Variants in PAQR8 observed in about 807,000 individuals in gnomAD.
The protein encoded by PAQR8 is progestin and adipoQ receptor family member 8.
A neutral mutation model predicts 25.2 loss-of-function variants in PAQR8; 17 were observed. The observed-to-expected ratio is 0.67, with a 90% CI of 0.46 to 1.01. PAQR8 has a LOEUF of 1.01. Among genes scored for constraint, PAQR8 ranks in the 50% least tolerant of loss-of-function variants. The pLI, the probability that PAQR8 is intolerant of heterozygous loss-of-function variation, is 0.00. For synonymous variants in PAQR8, 204 were observed against 190.6 expected (o/e 1.07, Z -0.58); for missense variants, 392 against 448.4 (o/e 0.87, Z 1.14).
intron 1 of PAQR8, among the ~76,000 whole-genome samples, chr6:52,387,362 G>T (rs940790778): frequency 2.0e-5 from 3 of 152,314 alleles, no homozygotes; most frequent in South Asian, 2.1e-4. Context: ...CAGTTGGCTG[G>T]ACTCTTGGGA....
intron 1 of PAQR8, among the ~76,000 whole-genome samples, chr6:52,395,150 T>G (rs1273524417): frequency 6.6e-6 from 1 of 151,802 alleles, no homozygotes; most frequent in Non-Finnish European, 1.5e-5. Context: ...CACCTGCAGT[T>G]TAGTCCCAGC....
At chr6:52,388,583 CTCT>C (rs887281924) in intron 1 of PAQR8, among the ~76,000 whole-genome samples, 2 of 152,146 alleles carry the variant, frequency 1.3e-5, no homozygotes, top group Non-Finnish European at 2.9e-5. Context: ...GCTCCCTTGC[CTCT>C]TCTGCCATGT....
At chr6:52,393,969 G>A (rs1018363139) in intron 1 of PAQR8, among the ~76,000 whole-genome samples, 9 of 152,196 alleles carry the variant, frequency 5.9e-5, no homozygotes, top group African/African-American at 1.9e-4. Context: ...ACAAAGTCCT[G>A]AGAGGATGGC....
Position 52,369,228 on chromosome 6 carries a change from C to T in PAQR8, c.-53+6979C>T, listed in dbSNP as rs529085841. On this transcript the variant is annotated intron_variant, in intron 1 of 1. Transcript: ENST00000442253. ...TAGGGAAGACCCAAGGCTGGTTCAC[C>T]TCTCTTTCCAGGGTGACCTGGTTCC... is the stretch of plus-strand genomic sequence containing the variant. Among the ~76,000 whole-genome samples the T allele has an allele frequency of 2.6e-5, 4 of 152,272 alleles. No individual in the cohort carries two copies. The South Asian group carries it at 8.3e-4, about 32-fold the overall frequency.
At chr6:52,371,744 G>A (rs1007562146) in intron 1 of PAQR8, among the ~76,000 whole-genome samples, 21 of 152,180 alleles carry the variant, frequency 1.4e-4, no homozygotes, top group African/African-American at 5.1e-4. Context: ...CTGTGTGCCA[G>A]GCATTGTGCA....
At chr6:52,400,084 T>G (rs1383965454) in intron 1 of PAQR8, among the ~76,000 whole-genome samples, 2 of 152,250 alleles carry the variant, frequency 1.3e-5, no homozygotes, top group Non-Finnish European at 2.9e-5. Context: ...TCCCTCTTTC[T>G]GTGTTTCTCT....
chr6:52,388,289 T>C (rs183986685), intron 1 of PAQR8, among the ~76,000 whole-genome samples: 1 of 151,162 alleles, frequency 6.6e-6, no homozygotes, highest in East Asian at 2.0e-4. Context: ...GGCACAAGAA[T>C]GGCTTGAGCC....
chr6:52,403,765 CTTCTGTGGCTGGT>C lies in PAQR8; in HGVS notation c.554_566del (p.Phe185TyrfsTer20). Reference sequence around the variant, plus strand: ...GGCTTTTCTTCTTGCCAGCAGCTGCCTTCTGTGGCTGGTTATCTTGTGCTGGCTGTTGCTATGC... The same window carrying C: ...GGCTTTTCTTCTTGCCAGCAGCTGCCTATCTTGTGCTGGCTGTTGCTATGC... On this transcript the variant is annotated frameshift_variant, in exon 2 of 2. Coordinates refer to ENST00000442253, the MANE Select transcript of PAQR8 (RefSeq NM_133367.5). LOFTEE classifies it high-confidence loss of function. 6.2e-7 allele frequency: 1 copy of C among 1,614,254 alleles called. No individual in the cohort carries two copies. Among genetic ancestry groups the C allele is most frequent in the Admixed American group, 1.7e-5 (1 of 60,032 alleles).
At chr6:52,401,612 A>G (rs902670552) in intron 1 of PAQR8, among the ~76,000 whole-genome samples, 1 of 152,220 alleles carries the variant, frequency 6.6e-6, no homozygotes, top group Admixed American at 6.5e-5. Flanking sequence ...AAAATGAACA[A>G]CAGTCTTTGC....
intron 1 of PAQR8, among the ~76,000 whole-genome samples, chr6:52,389,469 G>A (rs76520575): frequency 6.6e-6 from 1 of 152,280 alleles, no homozygotes; most frequent in East Asian, 1.9e-4. Context: ...TAATGGGCAA[G>A]CCTGATGTTC....
At position 52,374,355 on chromosome 6, in the gene PAQR8, C is replaced by T. The variant is rs921407286; in HGVS notation, c.-53+12106C>T. Among the ~76,000 whole-genome samples, 5 of 152,178 alleles carry T rather than the reference C, an allele frequency of 3.3e-5. No homozygotes were observed. In the East Asian group the frequency reaches 9.6e-4, roughly 29 times the overall value. ...GTTTCCTTTGTCATTGGGATCACTGCACTGATATTTACTCGCTTCTTTCCT... is the reference window on the plus strand; with the variant it reads ...GTTTCCTTTGTCATTGGGATCACTGTACTGATATTTACTCGCTTCTTTCCT... On this transcript the variant is annotated intron_variant, in intron 1 of 1. Coordinates refer to ENST00000442253, the MANE Select transcript of PAQR8 (RefSeq NM_133367.5).
chr6:52,376,738 T>G (rs1035125350), intron 1 of PAQR8, among the ~76,000 whole-genome samples: 1 of 152,242 alleles, frequency 6.6e-6, no homozygotes, highest in Non-Finnish European at 1.5e-5. Flanking sequence ...CTTACTGTTG[T>G]TCTTTATTTT....
rs139194968 is a variant in PAQR8, at chr6:52,403,648, T to C, written c.435T>C (p.Phe145=). ...KSELSHYTFY[F]VDYVGVSVYQ... ...AGCTCTCCCACTACACCTTCTACTT[T>C]GTGGACTATGTTGGCGTGAGCGTTT... is the stretch of plus-strand genomic sequence containing the variant. The change falls in exon 2 of 2, where the codon TTT becomes TTC. Residue 145 remains phenylalanine (F), a synonymous_variant. Coordinates refer to ENST00000442253, the MANE Select transcript of PAQR8 (RefSeq NM_133367.5). 2 of 1,614,060 alleles carry C rather than the reference T, an allele frequency of 1.2e-6. No homozygotes were observed. Among genetic ancestry groups the C allele is most frequent in the African/African-American group, 1.3e-5 (1 of 74,940 alleles).
At chr6:52,382,840 A>G (rs9349624) in intron 1 of PAQR8, among the ~76,000 whole-genome samples, 27,153 of 152,120 alleles carry the variant, frequency 0.18, 2,641 homozygotes, top group Non-Finnish European at 0.22. Context: ...TGTCACCCAG[A>G]CTAGAATGCG....
intron 1 of PAQR8, among the ~76,000 whole-genome samples, chr6:52,377,002 C>G (rs886591471): frequency 5.3e-5 from 8 of 152,130 alleles, no homozygotes; most frequent in Admixed American, 4.6e-4. Context: ...CTCTTCCCAG[C>G]CCATGTGATC....
At chr6:52,386,563 G>A (rs570865588) in intron 1 of PAQR8, among the ~76,000 whole-genome samples, 8 of 152,266 alleles carry the variant, frequency 5.3e-5, no homozygotes, top group African/African-American at 1.9e-4. Flanking sequence ...GTGAATTAAT[G>A]CAGAAACAGA....
chr6:52,367,738 G>T (rs1264094073), intron 1 of PAQR8, among the ~76,000 whole-genome samples: 2 of 152,316 alleles, frequency 1.3e-5, no homozygotes, highest in South Asian at 4.1e-4. Context: ...GTAGAGGAAA[G>T]ATGAGGATGG....
At chr6:52,382,927 A>AG (rs1763579095) in intron 1 of PAQR8, among the ~76,000 whole-genome samples, 1 of 152,190 alleles carries the variant, frequency 6.6e-6, no homozygotes, top group Non-Finnish European at 1.5e-5. Flanking sequence ...GGCCACAGGC[A>AG]CATACTACCA....
At chr6:52,363,093 A>G (rs1763309939) in intron 1 of PAQR8, among the ~76,000 whole-genome samples, 1 of 152,068 alleles carries the variant, frequency 6.6e-6, no homozygotes, top group Admixed American at 6.5e-5. Flanking sequence ...AATCTAGTCT[A>G]GGGAGCAAGA....
Sources: gnomAD v4.1 joint callset for allele counts (sites outside exome capture counted in the v4.1 genomes callset) on GRCh38, gnomAD v4.1.1 for gene constraint, MANE v1.5 for transcripts, NCBI Gene and HGNC (gene_info 2026-07-23, HGNC 2026-07-21) for gene names.